The following MACROD2 variants were observed in gnomAD, a reference collection of about 807,000 sequenced individuals.
The protein encoded by MACROD2 is mono-ADP ribosylhydrolase 2.
A neutral mutation model predicts 70.4 loss-of-function variants in MACROD2; 36 were observed. The observed-to-expected ratio is 0.51, with a 90% CI of 0.39 to 0.68. MACROD2 has a LOEUF of 0.68. Among genes scored for constraint, MACROD2 ranks in the 30% least tolerant of loss-of-function variants. The probability of loss-of-function intolerance (pLI) is 0.00; values close to 1 mark genes in which losing one functional copy is unlikely to be tolerated. For missense variants in MACROD2, 496 were observed against 538.4 expected, an observed-to-expected ratio of 0.92 and a Z score of 0.78; for synonymous variants, 172 against 178.8, an observed-to-expected ratio of 0.96 and a Z score of 0.30.
intron 5 of MACROD2, among the ~76,000 whole-genome samples, chr20:14,728,463 T>C (rs1023036380): frequency 1.3e-5 from 2 of 152,232 alleles, no homozygotes; most frequent in African/African-American, 4.8e-5. Context: ...TGTTAAAGAC[T>C]GAATACCTGT....
At chr20:15,565,093 A>G (rs1282746671) in intron 8 of MACROD2, among the ~76,000 whole-genome samples, 2 of 152,192 alleles carry the variant, frequency 1.3e-5, no homozygotes, top group Non-Finnish European at 2.9e-5. Flanking sequence ...AAAAGACAAT[A>G]TGGAGCAGCT....
At chr20:14,708,195 C>T (rs2071292659) in intron 5 of MACROD2, among the ~76,000 whole-genome samples, 1 of 152,192 alleles carries the variant, frequency 6.6e-6, no homozygotes, top group Non-Finnish European at 1.5e-5. Flanking sequence ...AGTCTCTTTT[C>T]TGTTCATTAC....
intron 10 of MACROD2, among the ~76,000 whole-genome samples, chr20:15,895,047 A>G (rs758674013): frequency 1.3e-5 from 2 of 152,166 alleles, no homozygotes; most frequent in Non-Finnish European, 2.9e-5. Context: ...TCCATAACCT[A>G]TGTCAAAAGT....
intron 8 of MACROD2, among the ~76,000 whole-genome samples, chr20:15,849,166 T>C (rs6135569): frequency 0.1 from 15,627 of 152,222 alleles, 1,189 homozygotes; most frequent in East Asian, 0.43. Flanking sequence ...CACAGCACTG[T>C]TGCCACCAGA....
chr20:14,741,375 G>A lies in MACROD2; in HGVS notation c.418+56416G>A, dbSNP rs376762786. Among the ~76,000 whole-genome samples, 24 of 152,166 alleles carry A rather than the reference G, an allele frequency of 1.6e-4. 1 individual carries two copies. The South Asian group carries it at 4.4e-3, about 28-fold the overall frequency. ...AGAACTCAGAGAAGGTAATGTTGGC[G>A]CTATTATTACCACATTGGTCATCCT... On this transcript the variant is annotated intron_variant, in intron 5 of 17. Coordinates refer to ENST00000684519, the MANE Select transcript of MACROD2 (RefSeq NM_001351661.2).
At chr20:14,591,259 A>G (rs912920528) in intron 4 of MACROD2, among the ~76,000 whole-genome samples, 1 of 152,168 alleles carries the variant, frequency 6.6e-6, no homozygotes, top group Non-Finnish European at 1.5e-5. Context: ...AATACATTTA[A>G]TCCATTTTCT....
intron 4 of MACROD2, chr20:14,622,049 A>G (rs1214936774): frequency 1.3e-5 from 2 of 152,204 alleles, no homozygotes; most frequent in Non-Finnish European, 2.9e-5. Flanking sequence ...AAATCTTTGG[A>G]AAATATTTTA....
chr20:15,350,409 C>T (rs1302475209), intron 6 of MACROD2, among the ~76,000 whole-genome samples: 1 of 152,106 alleles, frequency 6.6e-6, no homozygotes, highest in Non-Finnish European at 1.5e-5. Context: ...TAAATAGAGT[C>T]AACTTTTAGT....
At chr20:14,012,054 A>G (rs182876780) in intron 2 of MACROD2, among the ~76,000 whole-genome samples, 1 of 152,104 alleles carries the variant, frequency 6.6e-6, no homozygotes, top group East Asian at 1.9e-4. Context: ...GGTTATAGGC[A>G]TGTACCCCCG....
chr20:14,712,892 G>A (rs1181629839), intron 5 of MACROD2, among the ~76,000 whole-genome samples: 3 of 152,086 alleles, frequency 2.0e-5, no homozygotes, highest in Non-Finnish European at 2.9e-5. Context: ...TTTACATTCA[G>A]TAATGTTGCT....
chr20:15,584,915 C>T (rs989078018), intron 8 of MACROD2, among the ~76,000 whole-genome samples: 1 of 152,224 alleles, frequency 6.6e-6, no homozygotes, highest in Non-Finnish European at 1.5e-5. Flanking sequence ...AGTCCTCTAG[C>T]TTGACAGAAA....
intron 6 of MACROD2, among the ~76,000 whole-genome samples, chr20:15,274,410 T>A (rs138065792): frequency 6.6e-5 from 10 of 152,352 alleles, no homozygotes; most frequent in African/African-American, 2.4e-4. Flanking sequence ...TGTTAGAGCC[T>A]GTTCTTCTAA....
chr20:14,049,878 G>C lies in MACROD2; in HGVS notation c.164-35743G>C, dbSNP rs1436175198. ...GCAGGCAGATCACCTGAGTTCAGGA[G>C]TTTGAGTCCAGCCTGGCCAACACTG... On this transcript the variant is annotated intron_variant, in intron 2 of 17. Transcript: ENST00000684519. 5.9e-5 allele frequency among the ~76,000 whole-genome samples: 9 copies of C among 152,084 alleles called. No homozygotes were observed. In the East Asian group the frequency reaches 1.5e-3, roughly 26 times the overall value.
chr20:15,842,712 G>GGATAGATA (rs60376874), intron 8 of MACROD2, among the ~76,000 whole-genome samples: 5,054 of 141,622 alleles, frequency 0.036, 143 homozygotes, highest in South Asian at 0.075. Flanking sequence ...GTGGGTGGAT[G>GGATAGATA]GATAGATAGA....
chr20:15,238,875 T>C (rs1211799060), intron 6 of MACROD2, among the ~76,000 whole-genome samples: 1 of 152,194 alleles, frequency 6.6e-6, no homozygotes, highest in African/African-American at 2.4e-5. Context: ...TACAACAGTG[T>C]CTTCCAGAGG....
At chr20:14,897,722 A>G (rs1477972004) in intron 5 of MACROD2, among the ~76,000 whole-genome samples, 2 of 152,214 alleles carry the variant, frequency 1.3e-5, no homozygotes, top group East Asian at 3.9e-4. Flanking sequence ...AAGCTGCTGT[A>G]ACAGAATACC....
At chr20:15,431,524 T>G (rs970977578) in intron 7 of MACROD2, 89 bp downstream of exon 7, 3 of 1,228,534 alleles carry the variant, frequency 2.4e-6, no homozygotes, top group African/African-American at 1.5e-5. Flanking sequence ...GGTTCTCTGA[T>G]GAATATATTT....
At chr20:15,363,524 T>C (rs752412776) in intron 6 of MACROD2, among the ~76,000 whole-genome samples, 23 of 152,268 alleles carry the variant, frequency 1.5e-4, no homozygotes, top group Middle Eastern at 3.4e-3. Context: ...TCCATCAGTT[T>C]TTACCAAATG....
At chr20:14,308,000 T>C (rs1036124814) in intron 3 of MACROD2, among the ~76,000 whole-genome samples, 1 of 152,154 alleles carries the variant, frequency 6.6e-6, no homozygotes, top group African/African-American at 2.4e-5. Context: ...GTGTTACATA[T>C]AGCTGTTCCA....
Sources: gnomAD v4.1 joint callset for allele counts (sites outside exome capture counted in the v4.1 genomes callset) on GRCh38, gnomAD v4.1.1 for gene constraint, MANE v1.5 for transcripts, NCBI Gene and HGNC (gene_info 2026-07-23, HGNC 2026-07-21) for gene names.